Variants in HPGD observed in about 807,000 individuals in gnomAD.
HPGD encodes the protein 15-hydroxyprostaglandin dehydrogenase.
Under a neutral mutation model 30.0 loss-of-function variants are expected in HPGD, and 29 were observed. The ratio of observed to expected loss-of-function variants is 0.97; its 90% CI spans 0.72 to 1.32. The LOEUF (loss-of-function observed/expected upper bound fraction) is 1.32, where lower values mean the gene tolerates loss of function less well. Among genes scored for constraint, HPGD ranks in the 40% most tolerant of loss-of-function variants. HPGD has a pLI of 0.00. For missense variants in HPGD, 340 were observed against 322.1 expected, an observed-to-expected ratio of 1.06 and a Z score of -0.43; for synonymous variants, 99 against 112.4, an observed-to-expected ratio of 0.88 and a Z score of 0.75.
chr4:174,497,564 C>CTTTTTTTTTTTTTTTTTTTTTTTT (rs1560976871), intron 4 of HPGD, among the ~76,000 whole-genome samples: 1 of 14,226 alleles, frequency 7.0e-5, no homozygotes, highest in African/African-American at 1.7e-4. Flanking sequence ...CTTTCTTTTT[C>CTTTTTTTTTTTTTTTTTTTTTTTT]TTTCTTTTTT....
intron 4 of HPGD, among the ~76,000 whole-genome samples, chr4:174,503,208 T>G (rs1201632633): frequency 6.6e-6 from 1 of 152,142 alleles, no homozygotes; most frequent in Non-Finnish European, 1.5e-5. Flanking sequence ...AGAGTCCATT[T>G]GGGAGAACTT....
In HPGD at chr4:174,508,701, A is replaced by G. The variant is rs1057126051; in HGVS notation, c.416T>C (p.Leu139Ser). 1.9e-6 allele frequency: 3 copies of G among 1,582,744 alleles called. No individual in the cohort carries two copies. Among genetic ancestry groups the G allele is most frequent in the East Asian group, 4.5e-5 (2 of 44,642 alleles). The change falls in exon 4 of 7, where the codon TTA becomes TCA. Residue 139 changes from leucine (L) to serine (S), a missense_variant. Coordinates refer to ENST00000296522, the MANE Select transcript of HPGD (RefSeq NM_000860.6). ...AATGTAATAATTGCCCTTACCTGCT[A>G]AAGATGACATATTGATAATGATGCC... ...EGGIIINMSS[L>S]AGLMPVAQQP...
intron 3 of HPGD, among the ~76,000 whole-genome samples, chr4:174,514,553 A>G (rs1192673387): frequency 3.3e-5 from 5 of 152,278 alleles, no homozygotes; most frequent in African/African-American, 1.2e-4. Context: ...ACATAAAGCA[A>G]ACATCTTACT....
chr4:174,521,607 C>T (rs1398918227), intron 2 of HPGD, among the ~76,000 whole-genome samples: 1 of 152,192 alleles, frequency 6.6e-6, no homozygotes, highest in African/African-American at 2.4e-5. Flanking sequence ...CTTACTTAAC[C>T]TACTTTAATT....
intron 4 of HPGD, among the ~76,000 whole-genome samples, chr4:174,501,730 G>A (rs1217969931): frequency 1.3e-5 from 2 of 151,710 alleles, no homozygotes; most frequent in South Asian, 2.1e-4. Flanking sequence ...ATACCTGAAA[G>A]CATTTAAAAT....
chr4:174,509,184 A>C (rs1216292404), intron 3 of HPGD, among the ~76,000 whole-genome samples: 1 of 152,192 alleles, frequency 6.6e-6, no homozygotes. Context: ...CTCATGTCTC[A>C]GTATTCCACA....
In HPGD at chr4:174,492,124, C is replaced by G; in HGVS notation, c.663-30G>C. ...AAATAAAGAAAACAGTATTTTGAAA[C>G]GAAAGAATGAGGCATATTACCACTT... On this transcript the variant is annotated intron_variant, in intron 6 of 6. Transcript: ENST00000296522. This position sits in a 1 kb window ranked among gnomAD's most constrained non-coding sequence, Gnocchi z 4.9. The G allele has an allele frequency of 1.3e-6, 2 of 1,599,840 alleles. No individual in the cohort carries two copies. Among genetic ancestry groups the G allele is most frequent in the Non-Finnish European group, 1.7e-6 (2 of 1,169,686 alleles).
intron 3 of HPGD, among the ~76,000 whole-genome samples, chr4:174,514,197 T>A (rs1181845533): frequency 6.6e-6 from 1 of 152,094 alleles, no homozygotes; most frequent in African/African-American, 2.4e-5. Flanking sequence ...CCAAGAGATG[T>A]AAGTATGATT....
intron 4 of HPGD, among the ~76,000 whole-genome samples, chr4:174,497,414 C>T (rs1049852095): frequency 6.6e-6 from 1 of 151,914 alleles, no homozygotes; most frequent in East Asian, 1.9e-4. Flanking sequence ...AAGGTGGATT[C>T]GTAAATGCAA....
At chr4:174,521,276 A>AG (rs1736101517) in intron 2 of HPGD, among the ~76,000 whole-genome samples, 1 of 152,190 alleles carries the variant, frequency 6.6e-6, no homozygotes, top group Admixed American at 6.5e-5. Flanking sequence ...GTGTATGCCA[A>AG]TATTGTCCCT....
chr4:174,492,897 T>C lies in HPGD; in HGVS notation c.662+254A>G, dbSNP rs1168406802. ...AGGTATCATTGCCTTCAAAGGTGACTAAATATCAACTTTATGACTGATGGT... is the reference window on the plus strand; with the variant it reads ...AGGTATCATTGCCTTCAAAGGTGACCAAATATCAACTTTATGACTGATGGT... On this transcript the variant is annotated intron_variant, in intron 6 of 6. Transcript: ENST00000296522. This position sits in a 1 kb window ranked among gnomAD's most constrained non-coding sequence, Gnocchi z 4.9. Among the ~76,000 whole-genome samples the C allele has an allele frequency of 3.9e-5, 6 of 152,172 alleles. No homozygotes were observed. The highest frequency in any genetic ancestry group is 3.9e-4 in the Admixed American group (6 of 15,262).
At position 174,520,144 on chromosome 4, in the gene HPGD, G is replaced by A. The variant is rs138456895; in HGVS notation, c.217+1800C>T. Among the ~76,000 whole-genome samples the A allele has an allele frequency of 2.1e-4, 32 of 151,946 alleles. No individual in the cohort carries two copies. In the East Asian group the frequency reaches 5.2e-3, roughly 25 times the overall value. Reference sequence around the variant, plus strand: ...TGTTAAATATGTATGTCTAATTGCCGCTTTAATTTTCTTTCCTCATTCTGT... The same window carrying A: ...TGTTAAATATGTATGTCTAATTGCCACTTTAATTTTCTTTCCTCATTCTGT... On this transcript the variant is annotated intron_variant, in intron 2 of 6. Transcript: ENST00000296522.
chr4:174,502,025 A>G (rs1734925672), intron 4 of HPGD, among the ~76,000 whole-genome samples: 1 of 152,190 alleles, frequency 6.6e-6, no homozygotes, highest in African/African-American at 2.4e-5. Context: ...TGAAAATTCA[A>G]CTTAGGGAAA....
chr4:174,493,332 G>A lies in HPGD; in HGVS notation c.499-18C>T. On this transcript the variant is annotated intron_variant, in intron 5 of 6. Transcript: ENST00000296522. Reference sequence around the variant, plus strand: ...GCAGCCAACTGCCAATTAGAAGGTTGTAGGTTTCAGCAGTTTCATAAACAT... The same window carrying A: ...GCAGCCAACTGCCAATTAGAAGGTTATAGGTTTCAGCAGTTTCATAAACAT... 2.5e-6 allele frequency: 4 copies of A among 1,612,342 alleles called. No homozygotes were observed. Among genetic ancestry groups the A allele is most frequent in the Non-Finnish European group, 3.4e-6 (4 of 1,178,680 alleles).
intron 2 of HPGD, among the ~76,000 whole-genome samples, chr4:174,520,039 T>G (rs1451669677): frequency 6.6e-6 from 1 of 152,180 alleles, no homozygotes; most frequent in Non-Finnish European, 1.5e-5. Context: ...CCAGTATTTT[T>G]TTTTTCTCCT....
chr4:174,503,595 C>T (rs1735029628), intron 4 of HPGD, among the ~76,000 whole-genome samples: 2 of 152,034 alleles, frequency 1.3e-5, no homozygotes, highest in Non-Finnish European at 2.9e-5. Flanking sequence ...TACCTTTGGC[C>T]CAGAGATAGA....
intron 3 of HPGD, among the ~76,000 whole-genome samples, chr4:174,515,941 C>T (rs1435674094): frequency 6.6e-6 from 1 of 152,112 alleles, no homozygotes; most frequent in Non-Finnish European, 1.5e-5. Flanking sequence ...TACAATTTCA[C>T]AGCGATCAGA....
At chr4:174,499,154 G>A (rs1734784878) in intron 4 of HPGD, among the ~76,000 whole-genome samples, 1 of 152,150 alleles carries the variant, frequency 6.6e-6, no homozygotes, top group Non-Finnish European at 1.5e-5. Context: ...AGCTCATAGA[G>A]TTAGACTAAG....
In HPGD at chr4:174,495,635, C is replaced by A. The variant is rs754965544; in HGVS notation, c.422-11G>T. 1.7e-5 allele frequency: 27 copies of A among 1,593,324 alleles called. No individual in the cohort carries two copies. Among genetic ancestry groups the A allele is most frequent in the South Asian group, 8.8e-5 (8 of 90,680 alleles). Reference sequence around the variant, plus strand: ...CAACGGGCATGAGTCCTGAAACAGACAAATATAACATTTAAATGCTTTGAT... The same window carrying A: ...CAACGGGCATGAGTCCTGAAACAGAAAAATATAACATTTAAATGCTTTGAT... On this transcript the variant is annotated splice_polypyrimidine_tract_variant and intron_variant, in intron 4 of 6. Coordinates refer to ENST00000296522, the MANE Select transcript of HPGD (RefSeq NM_000860.6).
Sources: gnomAD v4.1 joint callset for allele counts (sites outside exome capture counted in the v4.1 genomes callset) on GRCh38, gnomAD v4.1.1 for gene constraint, Gnocchi (gnomAD v3.1) non-coding constraint, MANE v1.5 for transcripts, NCBI Gene and HGNC (gene_info 2026-07-23, HGNC 2026-07-21) for gene names.